Variants in ATL1 observed in about 807,000 individuals in gnomAD.
ATL1 encodes atlastin GTPase 1, also known as atlastin-1.
ATL1 carries 31 observed loss-of-function variants against 75.5 expected under a neutral mutation model. That is an observed-to-expected ratio of 0.41 (90% CI 0.31 to 0.55). ATL1 has a LOEUF of 0.55. Among genes scored for constraint, ATL1 ranks in the 20% least tolerant of loss-of-function variants. The pLI, the probability that ATL1 is intolerant of heterozygous loss-of-function variation, is 0.27. For missense variants in ATL1, 405 were observed against 662.6 expected, an observed-to-expected ratio of 0.61 and a Z score of 4.27; for synonymous variants, 226 against 233.3, an observed-to-expected ratio of 0.97 and a Z score of 0.28.
At chr14:50,548,024 G>A (rs2038655745) in intron 1 of ATL1, among the ~76,000 whole-genome samples, 1 of 152,130 alleles carries the variant, frequency 6.6e-6, no homozygotes. Flanking sequence ...TCTTGCAGAT[G>A]TGGAGACTAC....
chr14:50,613,192 G>C, intron 6 of ATL1, 67 bp from the exon 7 acceptor site: 1 of 1,123,256 alleles, frequency 8.9e-7, no homozygotes, highest in South Asian at 1.2e-5. Flanking sequence ...ATTATAACTG[G>C]TTTCCATATA....
intron 1 of ATL1, among the ~76,000 whole-genome samples, chr14:50,545,938 G>C (rs930657120): frequency 6.6e-6 from 1 of 152,162 alleles, no homozygotes; most frequent in Non-Finnish European, 1.5e-5. Flanking sequence ...TAGTTCATCA[G>C]ATCTTCTGAA....
intron 1 of ATL1, among the ~76,000 whole-genome samples, chr14:50,586,274 G>T (rs2039100923): frequency 6.6e-6 from 1 of 152,142 alleles, no homozygotes; most frequent in South Asian, 2.1e-4. Context: ...TCATAGACTG[G>T]GGTGGCTTAA....
chr14:50,549,897 G>C (rs760229994), intron 1 of ATL1, among the ~76,000 whole-genome samples: 1 of 152,198 alleles, frequency 6.6e-6, no homozygotes, highest in Non-Finnish European at 1.5e-5. Flanking sequence ...GCATCATTCC[G>C]TATGAATGGG....
Position 50,589,160 on chromosome 14 carries a change from T to C in ATL1, c.282+1082T>C, listed in dbSNP as rs1476628903. The stretch of plus-strand genomic sequence containing the variant: ...ATTTTTTCTTTTCTTTCTTTCTTTT[T>C]TTTTTTTTTTTTTTTTGATACAGAG... On this transcript the variant is annotated intron_variant, in intron 2 of 13. Coordinates refer to ENST00000358385, the MANE Select transcript of ATL1 (RefSeq NM_015915.5). Among the ~76,000 whole-genome samples, 32 of 147,880 alleles carry C rather than the reference T, an allele frequency of 2.2e-4. No individual in the cohort carries two copies. In the East Asian group the frequency reaches 4.7e-3, roughly 22 times the overall value.
chr14:50,587,657 C>A (rs974644282), intron 1 of ATL1, among the ~76,000 whole-genome samples, 174 bp from the exon 2 acceptor site: 4 of 152,178 alleles, frequency 2.6e-5, no homozygotes, highest in African/African-American at 9.7e-5. Context: ...GATCCTCCCA[C>A]CTCAGCCTCC....
At chr14:50,560,000 T>TCA, upstream of ATL1, 2 of 548,422 alleles carry the variant, frequency 3.6e-6, no homozygotes, top group South Asian at 4.2e-5. Flanking sequence ...ATCACTGTCT[T>TCA]CACGGTCTGG....
upstream of ATL1, among the ~76,000 whole-genome samples, chr14:50,557,687 T>A (rs571885207): frequency 6.6e-6 from 1 of 152,338 alleles, no homozygotes; most frequent in African/African-American, 2.4e-5. Context: ...TTGAGGTATT[T>A]CTTCAGAGTA....
intron 1 of ATL1, among the ~76,000 whole-genome samples, chr14:50,543,160 G>A (rs1300288938): frequency 6.6e-6 from 1 of 152,210 alleles, no homozygotes; most frequent in East Asian, 1.9e-4. Context: ...GTGCCTACGT[G>A]ACAATAGGAA....
At chr14:50,608,389 C>T (rs1397127214) in intron 6 of ATL1, among the ~76,000 whole-genome samples, 1 of 151,986 alleles carries the variant, frequency 6.6e-6, no homozygotes, top group Non-Finnish European at 1.5e-5. Flanking sequence ...ATTATATAAA[C>T]CAGTTATTAA....
chr14:50,535,275 T>A (rs1023239647), intron 1 of ATL1, among the ~76,000 whole-genome samples: 3 of 152,226 alleles, frequency 2.0e-5, no homozygotes, highest in Non-Finnish European at 4.4e-5. Flanking sequence ...TAAAAAAGAA[T>A]TGGGAGACAT....
intron 7 of ATL1, 147 bp downstream of exon 7, chr14:50,613,498 T>C (rs1432037764): frequency 1.2e-5 from 8 of 685,434 alleles, no homozygotes; most frequent in Middle Eastern, 8.0e-4. Context: ...ATTCTTTGTA[T>C]ATATCTATAA....
chr14:50,579,114 G>T (rs77834535), intron 1 of ATL1, among the ~76,000 whole-genome samples: 70 of 152,106 alleles, frequency 4.6e-4, no homozygotes, highest in African/African-American at 1.7e-3. Flanking sequence ...TGTGTCTTTT[G>T]TCCACTTCTC....
intron 1 of ATL1, among the ~76,000 whole-genome samples, chr14:50,586,740 G>A (rs979263165): frequency 6.6e-6 from 1 of 152,004 alleles, no homozygotes; most frequent in Non-Finnish European, 1.5e-5. Context: ...AAAGATCTGG[G>A]ATGAAAGTTT....
chr14:50,574,935 GTGTATATATATA>G (rs1303248637), intron 1 of ATL1, among the ~76,000 whole-genome samples: 98 of 34,592 alleles, frequency 2.8e-3, no homozygotes, highest in African/African-American at 0.011. Context: ...GTGTGTGTGT[GTGTATATATATA>G]TATATATATA....
chr14:50,562,411 A>C (rs1257135307), intron 1 of ATL1, among the ~76,000 whole-genome samples: 2 of 152,174 alleles, frequency 1.3e-5, no homozygotes, highest in Non-Finnish European at 2.9e-5. Context: ...CGGTTTTCAT[A>C]AAAATCACAC....
At chr14:50,541,684 C>T (rs1189268339) in intron 1 of ATL1, among the ~76,000 whole-genome samples, 1 of 152,070 alleles carries the variant, frequency 6.6e-6, no homozygotes, top group Non-Finnish European at 1.5e-5. Flanking sequence ...CTTGCAACCC[C>T]AGTAGGAGAA....
Position 50,584,457 on chromosome 14 carries a change from A to C in ATL1, c.35-3374A>C, listed in dbSNP as rs560830298. ...GGTGGCTCACGCCTGTAATCCCAGC[A>C]CTTTGGGAGGCCGAGGCGGGCAGAT... On this transcript the variant is annotated intron_variant, in intron 1 of 13. Coordinates refer to ENST00000358385, the MANE Select transcript of ATL1 (RefSeq NM_015915.5). 1.9e-4 allele frequency among the ~76,000 whole-genome samples: 29 copies of C among 152,300 alleles called. No homozygotes were observed. The East Asian group carries it at 3.5e-3, about 18-fold the overall frequency.
intron 1 of ATL1, among the ~76,000 whole-genome samples, chr14:50,534,279 A>G (rs530051288): frequency 3.9e-5 from 6 of 152,248 alleles, no homozygotes; most frequent in African/African-American, 1.2e-4. Context: ...GCAAACTAGT[A>G]TGACGTTAAA....
Sources: allele counts gnomAD v4.1 joint callset (sites outside exome capture counted in the v4.1 genomes callset), GRCh38; gene constraint gnomAD v4.1.1; transcripts MANE v1.5; gene names NCBI Gene and HGNC (gene_info 2026-07-23, HGNC 2026-07-21).